The following ZNF609 variants were observed in gnomAD, a reference collection of about 807,000 sequenced individuals.
ZNF609 encodes zinc finger protein 609.
In ZNF609, 11 loss-of-function variants were observed where a neutral mutation model predicts 109.5. That is an observed-to-expected ratio of 0.10 (90% CI 0.06 to 0.17). The LOEUF is 0.17. Among genes scored for constraint, ZNF609 ranks in the 10% least tolerant of loss-of-function variants. The probability of loss-of-function intolerance (pLI) is 1.00; values close to 1 mark genes in which losing one functional copy is unlikely to be tolerated. For missense variants in ZNF609, 1,559 were observed against 1,772.4 expected, an observed-to-expected ratio of 0.88 and a Z score of 2.16; for synonymous variants, 646 against 662.0, an observed-to-expected ratio of 0.98 and a Z score of 0.37.
At chr15:64,673,448 T>C (rs1337425559) in intron 4 of ZNF609, among the ~76,000 whole-genome samples, 1 of 152,246 alleles carries the variant, frequency 6.6e-6, no homozygotes, top group Non-Finnish European at 1.5e-5. Context: ...TTTAGGGAAC[T>C]CTTAAATGGA....
intron 1 of ZNF609, among the ~76,000 whole-genome samples, chr15:64,471,133 T>G (rs371394254): frequency 2.6e-5 from 4 of 152,230 alleles, no homozygotes; most frequent in African/African-American, 9.6e-5. Context: ...AGGCCAAGGC[T>G]GGCGGATCAG....
chr15:64,635,324 T>C (rs1896157560), intron 3 of ZNF609, among the ~76,000 whole-genome samples: 1 of 152,198 alleles, frequency 6.6e-6, no homozygotes, highest in Non-Finnish European at 1.5e-5. Flanking sequence ...GCAATAAATA[T>C]CTTACTGGTA....
intron 2 of ZNF609, among the ~76,000 whole-genome samples, chr15:64,576,729 A>G (rs1894958852): frequency 1.3e-5 from 2 of 150,232 alleles, no homozygotes; most frequent in South Asian, 4.2e-4. Flanking sequence ...ACTCGAGGTC[A>G]GGAGTTCGAG....
intron 2 of ZNF609, among the ~76,000 whole-genome samples, chr15:64,522,432 A>G (rs1479667253): frequency 1.3e-5 from 2 of 152,180 alleles, no homozygotes; most frequent in Non-Finnish European, 2.9e-5. Context: ...TAATTTTCCC[A>G]TTAGAGATCT....
intron 1 of ZNF609, among the ~76,000 whole-genome samples, chr15:64,463,740 G>T (rs952169429): frequency 6.6e-6 from 1 of 152,172 alleles, no homozygotes; most frequent in Admixed American, 6.5e-5. Flanking sequence ...TATATTTTTT[G>T]ATAACAGAAC....
intron 2 of ZNF609, among the ~76,000 whole-genome samples, chr15:64,514,600 G>A (rs1330454758): frequency 6.6e-6 from 1 of 151,262 alleles, no homozygotes; most frequent in East Asian, 1.9e-4. Flanking sequence ...TCACCTTCTA[G>A]CCTCTTCTCA....
intron 2 of ZNF609, among the ~76,000 whole-genome samples, chr15:64,535,051 A>T (rs967088134): frequency 6.6e-6 from 1 of 151,944 alleles, no homozygotes; most frequent in African/African-American, 2.4e-5. Flanking sequence ...AAAAAAAAAA[A>T]ACTGTTATTT....
chr15:64,577,328 AATATATACATATATATGTAT>A lies in ZNF609; in HGVS notation c.748-45489_748-45470del, dbSNP rs1464478699. ...ACATATATGTATATATATACACACA[AATATATACATATATATGTAT>A]ATATATACACATATATGTATATATA... is the stretch of plus-strand genomic sequence containing the variant. On this transcript the variant is annotated intron_variant, in intron 2 of 9. Coordinates refer to ENST00000326648, the MANE Select transcript of ZNF609 (RefSeq NM_015042.2). Among the ~76,000 whole-genome samples the A allele has an allele frequency of 8.6e-5, 2 of 23,378 alleles. 1 individual carries two copies. The highest frequency in any genetic ancestry group is 2.3e-3 in the Admixed American group (2 of 852). 15.3% of individuals were successfully genotyped at this position (23,378 alleles called of 152,430 possible).
chr15:64,463,311 T>A (rs1426139549), intron 1 of ZNF609, among the ~76,000 whole-genome samples: 4 of 151,578 alleles, frequency 2.6e-5, no homozygotes, highest in African/African-American at 9.7e-5. Flanking sequence ...GGTAGAAAGA[T>A]CTCGTTGAGC....
chr15:64,500,388 T>G lies in ZNF609; in HGVS notation c.747+222T>G, dbSNP rs943567324. ...GGCCTGGACATTGTGGAACAGGATA[T>G]TTGTTGTTGGGGGCAGCTACTTTGT... is the stretch of plus-strand genomic sequence containing the variant. On this transcript the variant is annotated intron_variant, in intron 2 of 9. Coordinates refer to ENST00000326648, the MANE Select transcript of ZNF609 (RefSeq NM_015042.2). The G allele has an allele frequency of 3.7e-5, 28 of 762,332 alleles. No individual in the cohort carries two copies. The African/African-American group carries it at 3.9e-4, about 11-fold the overall frequency. The allele number at this position is 762,332 out of a possible 1,614,324, so 47.2% of individuals were successfully genotyped here. A position where few individuals can be genotyped will look rare whatever the true frequency, so the allele number is the denominator to read the frequency against.
Position 64,683,048 on chromosome 15 carries a change from A to G in ZNF609, c.*1362A>G, listed in dbSNP as rs772927063. On this transcript the variant is annotated 3_prime_UTR_variant, in exon 10 of 10. Transcript: ENST00000326648. ...CTCTCCTTAGAAATGCAGTCTCCCAATGGAAGCTTTATACTCTTTGTACTG... is the reference window on the plus strand; with the variant it reads ...CTCTCCTTAGAAATGCAGTCTCCCAGTGGAAGCTTTATACTCTTTGTACTG... 4.6e-5 allele frequency: 7 copies of G among 152,624 alleles called. No homozygotes were observed. The highest frequency in any genetic ancestry group is 1.2e-4 in the African/African-American group (5 of 41,462). The allele number at this position is 152,624 out of a possible 1,614,324, so 9.5% of individuals were successfully genotyped here. A position where few individuals can be genotyped will look rare whatever the true frequency, so the allele number is the denominator to read the frequency against.
chr15:64,572,908 AAAAAG>A (rs746846124), intron 2 of ZNF609, among the ~76,000 whole-genome samples: 4 of 152,192 alleles, frequency 2.6e-5, no homozygotes, highest in Non-Finnish European at 4.4e-5. Flanking sequence ...TCTTGAGAAA[AAAAAG>A]AAAAGAAAAG....
At chr15:64,632,545 A>C (rs1196591162) in intron 3 of ZNF609, among the ~76,000 whole-genome samples, 1 of 151,390 alleles carries the variant, frequency 6.6e-6, no homozygotes, top group Non-Finnish European at 1.5e-5. Context: ...GCCGTGGTGC[A>C]ATCTTGGCTC....
intron 3 of ZNF609, chr15:64,631,765 A>G (rs1280591204): frequency 5.0e-6 from 1 of 200,520 alleles, no homozygotes; most frequent in Non-Finnish European, 1.0e-5. Flanking sequence ...GCTAGTCTCA[A>G]ATTCCTGACT....
At chr15:64,525,921 T>A (rs1255142266) in intron 2 of ZNF609, among the ~76,000 whole-genome samples, 1 of 151,870 alleles carries the variant, frequency 6.6e-6, no homozygotes, top group Non-Finnish European at 1.5e-5. Flanking sequence ...CCCAAATAAC[T>A]GGGACTACAG....
chr15:64,541,298 G>A (rs2140381281), intron 2 of ZNF609, among the ~76,000 whole-genome samples: 1 of 150,288 alleles, frequency 6.7e-6, no homozygotes, highest in South Asian at 2.1e-4. Flanking sequence ...GTGGTGTCGG[G>A]CGCCTGTAGT....
intron 6 of ZNF609, 120 bp downstream of exon 6, chr15:64,678,602 C>A: frequency 7.3e-7 from 1 of 1,378,242 alleles, no homozygotes; most frequent in Non-Finnish European, 9.7e-7. Context: ...AGATGACGGA[C>A]CTTTTTTCAC....
At chr15:64,609,270 C>T (rs1445213770) in intron 2 of ZNF609, among the ~76,000 whole-genome samples, 2 of 151,720 alleles carry the variant, frequency 1.3e-5, no homozygotes, top group Non-Finnish European at 2.9e-5. Flanking sequence ...ACTGCAACCT[C>T]TGCTTCCTGG....
intron 3 of ZNF609, among the ~76,000 whole-genome samples, chr15:64,668,431 C>T (rs1416342908): frequency 6.6e-6 from 1 of 152,088 alleles, no homozygotes; most frequent in East Asian, 1.9e-4. Context: ...CTCTAATATC[C>T]CAGACATGGC....
Sources: gnomAD v4.1 joint callset for allele counts (sites outside exome capture counted in the v4.1 genomes callset) on GRCh38, gnomAD v4.1.1 for gene constraint, MANE v1.5 for transcripts, NCBI Gene and HGNC (gene_info 2026-07-23, HGNC 2026-07-21) for gene names.